ADARB1: variants seen among roughly 807,000 people sequenced by gnomAD.
ADARB1 encodes the protein double-stranded RNA-specific editase 1.
In ADARB1, 10 loss-of-function variants were observed where a neutral mutation model predicts 52.4. The observed-to-expected ratio is 0.19, with a 90% CI of 0.12 to 0.32. ADARB1 has a LOEUF of 0.32. ADARB1 is among the 10% of genes least tolerant of loss of function. The probability of loss-of-function intolerance (pLI) is 1.00; values close to 1 mark genes in which losing one functional copy is unlikely to be tolerated. For missense variants in ADARB1, 643 were observed against 922.3 expected (o/e 0.70, Z 3.92); for synonymous variants, 349 against 371.1 (o/e 0.94, Z 0.68).
chr21:45,126,396 C>G (rs2088582314), intron 1 of ADARB1, among the ~76,000 whole-genome samples: 1 of 152,178 alleles, frequency 6.6e-6, no homozygotes. Context: ...TGTCTGCTGT[C>G]TCTGTCACCT....
At chr21:45,171,525 G>T in intron 2 of ADARB1, 85 bp from the exon 3 acceptor site, 2 of 850,750 alleles carry the variant, frequency 2.4e-6, no homozygotes, top group Admixed American at 4.9e-5. Context: ...TTGTAATAAT[G>T]TTGTAATTAT....
intron 2 of ADARB1, among the ~76,000 whole-genome samples, chr21:45,130,054 C>T (rs1017707878): frequency 4.6e-5 from 7 of 152,184 alleles, no homozygotes; most frequent in South Asian, 4.1e-4. Context: ...TCAGCCACAG[C>T]GCTTCTTCTA....
At chr21:45,143,311 T>C (rs1385888271) in intron 2 of ADARB1, among the ~76,000 whole-genome samples, 2 of 152,218 alleles carry the variant, frequency 1.3e-5, no homozygotes, top group Non-Finnish European at 2.9e-5. Flanking sequence ...TCTATAGACC[T>C]CCACAACTTA....
At chr21:45,194,843 A>T (rs1018902343) in intron 8 of ADARB1, among the ~76,000 whole-genome samples, 3 of 152,264 alleles carry the variant, frequency 2.0e-5, no homozygotes, top group Admixed American at 2.0e-4. Context: ...CATTGCTTCC[A>T]CGCTTTGGCA....
At position 45,180,250 on chromosome 21, in the gene ADARB1, G is replaced by C. The variant is rs1042200384; in HGVS notation, c.964-80G>C. ...GCAGCCTGTGTCACTCCATAAGGGA[G>C]AGTGCGTGCAGCATTGAGAGAGTGA... On this transcript the variant is annotated intron_variant, in intron 4 of 10. Coordinates refer to ENST00000348831, the MANE Select transcript of ADARB1 (RefSeq NM_001112.4). 4 of 971,788 alleles carry C rather than the reference G, an allele frequency of 4.1e-6. No individual in the cohort carries two copies. The Admixed American group carries it at 7.7e-5, about 19-fold the overall frequency. 60.2% of individuals were successfully genotyped at this position (971,788 alleles called of 1,614,324 possible).
chr21:45,164,236 C>T (rs893862648), intron 2 of ADARB1, among the ~76,000 whole-genome samples: 1 of 152,076 alleles, frequency 6.6e-6, no homozygotes, highest in Non-Finnish European at 1.5e-5. Context: ...CTGTAGCAGC[C>T]AAGTGAAGAC....
chr21:45,082,706 G>A (rs1229204648), intron 1 of ADARB1, among the ~76,000 whole-genome samples: 1 of 152,150 alleles, frequency 6.6e-6, no homozygotes, highest in East Asian at 1.9e-4. Context: ...GTTTAATCTA[G>A]TTTAATCCTC....
chr21:45,093,582 G>A (rs1335897159), intron 1 of ADARB1, among the ~76,000 whole-genome samples: 4 of 152,206 alleles, frequency 2.6e-5, no homozygotes, highest in South Asian at 2.1e-4. Context: ...GTGAAGGTTC[G>A]GGGTGTTGGG....
chr21:45,225,736 A>C lies in ADARB1; in HGVS notation c.*3539A>C. 2.2e-6 allele frequency: 1 copy of C among 460,466 alleles called. No homozygotes were observed. The highest frequency in any genetic ancestry group is 3.6e-6 in the Non-Finnish European group (1 of 279,556). 28.5% of individuals were successfully genotyped at this position (460,466 alleles called of 1,614,324 possible). On this transcript the variant is annotated 3_prime_UTR_variant, in exon 11 of 11. Coordinates refer to ENST00000348831, the MANE Select transcript of ADARB1 (RefSeq NM_001112.4). ...GTCTGCCCCAGGCATAAAGAAGGAA[A>C]ATTGGCCATCTTTCCCACCTCTAAA...
At chr21:45,124,766 G>GGTGATGTGTGT (rs1439741072) in intron 1 of ADARB1, among the ~76,000 whole-genome samples, 11 of 25,574 alleles carry the variant, frequency 4.3e-4, no homozygotes, top group South Asian at 4.1e-3. Flanking sequence ...CTTTTTAAAT[G>GGTGATGTGTGT]GTGTGTGTGT....
intron 2 of ADARB1, among the ~76,000 whole-genome samples, chr21:45,147,881 C>T (rs577315391): frequency 9.8e-5 from 15 of 152,306 alleles, no homozygotes; most frequent in African/African-American, 3.1e-4. Context: ...CCCCACGCAG[C>T]GGTTCCTGCT....
rs147531117 is a variant in ADARB1, at chr21:45,184,105, A to G, written c.1396+595A>G. On this transcript the variant is annotated intron_variant, in intron 7 of 10. Coordinates refer to ENST00000348831, the MANE Select transcript of ADARB1 (RefSeq NM_001112.4). ...GGCATACTCACTGTGGAAAATTGCT[A>G]ACTATTTTTAAAATATAAGAACATT... 1.8e-3 allele frequency among the ~76,000 whole-genome samples: 273 copies of G among 152,362 alleles called. 1 individual carries two copies. Among genetic ancestry groups the G allele is most frequent in the African/African-American group, 6.2e-3 (257 of 41,586 alleles).
chr21:45,188,533 T>C (rs1334191773), intron 8 of ADARB1, among the ~76,000 whole-genome samples: 1 of 152,338 alleles, frequency 6.6e-6, no homozygotes, highest in East Asian at 1.9e-4. Context: ...GCATGGAATA[T>C]ATTTTTCCAT....
chr21:45,170,164 C>A (rs1394085924), intron 2 of ADARB1, among the ~76,000 whole-genome samples: 2 of 152,238 alleles, frequency 1.3e-5, no homozygotes, highest in Non-Finnish European at 2.9e-5. Flanking sequence ...CTACACTCAT[C>A]TATGTTTTTC....
rs1186739259 is a variant in ADARB1 at position 45,142,759 on chromosome 21, CAG to C, written c.-48+14187_-48+14188del. 6.6e-6 allele frequency among the ~76,000 whole-genome samples: 1 copy of C among 152,174 alleles called. No individual in the cohort carries two copies. The highest frequency in any genetic ancestry group is 2.4e-5 in the African/African-American group (1 of 41,442). ...TCCTTGCTTGGTCCCCCCATGAACT[CAG>C]GGGTGTGGCCTGGCTCCGTCATGTG... On this transcript the variant is annotated intron_variant, in intron 2 of 10. Transcript: ENST00000348831. The surrounding 1 kb of genome is among the most constrained non-coding windows in gnomAD (Gnocchi z 4.0).
At chr21:45,144,318 G>A (rs905130709) in intron 2 of ADARB1, among the ~76,000 whole-genome samples, 3 of 152,040 alleles carry the variant, frequency 2.0e-5, no homozygotes, top group Non-Finnish European at 4.4e-5. Context: ...TACTCTGAGG[G>A]CATAGATAAA....
chr21:45,174,874 A>G (rs924005488), intron 3 of ADARB1, among the ~76,000 whole-genome samples: 1 of 152,220 alleles, frequency 6.6e-6, no homozygotes, highest in Non-Finnish European at 1.5e-5. Flanking sequence ...TTCATCAAAT[A>G]ATTGTTTTAA....
intron 1 of ADARB1, among the ~76,000 whole-genome samples, chr21:45,119,993 C>G (rs2088067710): frequency 6.6e-6 from 1 of 152,270 alleles, no homozygotes; most frequent in South Asian, 2.1e-4. Flanking sequence ...CATTACCAAG[C>G]TTTGCAGCTC....
rs377312708 is a variant in ADARB1, at chr21:45,204,510, A to G, written c.1566-45A>G. The G allele has an allele frequency of 3.6e-5, 57 of 1,592,604 alleles. No homozygotes were observed. The African/African-American group carries it at 6.5e-4, about 18-fold the overall frequency. ...CAGGCTTGGGCTGGGCTGCGTCGAC[A>G]CTGAGTCCGAGCTCCCTGAAGACTG... On this transcript the variant is annotated intron_variant, in intron 8 of 10. Coordinates refer to ENST00000348831, the MANE Select transcript of ADARB1 (RefSeq NM_001112.4). The surrounding 1 kb of genome is among the most constrained non-coding windows in gnomAD (Gnocchi z 4.4).
Sources: allele counts gnomAD v4.1 joint callset (sites outside exome capture counted in the v4.1 genomes callset), GRCh38; gene constraint gnomAD v4.1.1; non-coding constraint Gnocchi (gnomAD v3.1); transcripts MANE v1.5; gene names NCBI Gene and HGNC (gene_info 2026-07-23, HGNC 2026-07-21).